The following LHFPL4 variants were observed in gnomAD, a reference collection of about 807,000 sequenced individuals.
LHFPL4 encodes LHFPL tetraspan subfamily member 4 protein.
LHFPL4 carries 6 observed loss-of-function variants against 20.0 expected under a neutral mutation model. That is an observed-to-expected ratio of 0.30 (90% CI 0.16 to 0.59). The LOEUF is 0.59. Among genes scored for constraint, LHFPL4 ranks in the 20% least tolerant of loss-of-function variants. LHFPL4 has a pLI of 0.88. For synonymous variants in LHFPL4, 129 were observed against 143.8 expected, an observed-to-expected ratio of 0.90 and a Z score of 0.74; for missense variants, 215 against 331.2, an observed-to-expected ratio of 0.65 and a Z score of 2.72.
intron 2 of LHFPL4, among the ~76,000 whole-genome samples, chr3:9,520,835 G>A (rs1284424789): frequency 6.6e-6 from 1 of 152,118 alleles, no homozygotes; most frequent in African/African-American, 2.4e-5. Context: ...TCCAGACCCT[G>A]TCTTGGTGAA....
chr3:9,513,299 ATTTAT>A lies in LHFPL4; in HGVS notation c.407-7101_407-7097del, dbSNP rs1219712161. ...ATATAAGAGATAATAACCTTGGGTC[ATTTAT>A]TTTATTTTATTTTGTTTTGTTTTTG... is the stretch of plus-strand genomic sequence containing the variant. On this transcript the variant is annotated intron_variant, in intron 2 of 3. Coordinates refer to ENST00000287585, the MANE Select transcript of LHFPL4 (RefSeq NM_198560.3). 9.9e-5 allele frequency among the ~76,000 whole-genome samples: 15 copies of A among 151,946 alleles called. No homozygotes were observed. In the East Asian group the frequency reaches 2.7e-3, roughly 28 times the overall value.
chr3:9,521,103 G>A (rs2046334555), intron 2 of LHFPL4, among the ~76,000 whole-genome samples: 1 of 152,134 alleles, frequency 6.6e-6, no homozygotes, highest in East Asian at 1.9e-4. Flanking sequence ...GCACGTGCAT[G>A]TTAAGAATCA....
intron 2 of LHFPL4, among the ~76,000 whole-genome samples, chr3:9,534,578 T>C (rs1462752051): frequency 6.6e-6 from 1 of 152,200 alleles, no homozygotes; most frequent in Non-Finnish European, 1.5e-5. Flanking sequence ...AAGAGGGGCA[T>C]TGGGTAGCTG....
intron 3 of LHFPL4, 60 bp downstream of exon 3, chr3:9,505,907 C>T: frequency 6.8e-7 from 1 of 1,467,726 alleles, no homozygotes; most frequent in Non-Finnish European, 9.5e-7. Context: ...TTGAAATTAT[C>T]CTGCCTCCCA....
chr3:9,502,802 T>G (rs1232610200), intron 3 of LHFPL4, among the ~76,000 whole-genome samples: 1 of 152,092 alleles, frequency 6.6e-6, no homozygotes, highest in Non-Finnish European at 1.5e-5. Flanking sequence ...GCAAGCCATT[T>G]AACCTCTCTG....
At chr3:9,525,179 A>T (rs2633796) in intron 2 of LHFPL4, among the ~76,000 whole-genome samples, 55,076 of 151,996 alleles carry the variant, frequency 0.36, 10,628 homozygotes, top group Non-Finnish European at 0.44. Flanking sequence ...TGCCAGAACC[A>T]TGAGGGGATT....
chr3:9,506,276 G>A lies in LHFPL4; in HGVS notation c.407-73C>T, dbSNP rs1023866154. ...AAAAGACCATTACTCGCTAGTGTCC[G>A]CAGTCTGGGCCCCACCCTATTGAGG... is the stretch of plus-strand genomic sequence containing the variant. On this transcript the variant is annotated intron_variant, in intron 2 of 3. Transcript: ENST00000287585. The surrounding 1 kb of genome is among the most constrained non-coding windows in gnomAD (Gnocchi z 4.5). 1.4e-5 allele frequency: 17 copies of A among 1,182,582 alleles called. No individual in the cohort carries two copies. The highest frequency in any genetic ancestry group is 9.4e-5 in the East Asian group (4 of 42,720). 73.3% of individuals were successfully genotyped at this position (1,182,582 alleles called of 1,614,324 possible). A position where few individuals can be genotyped will look rare whatever the true frequency, so the allele number is the denominator to read the frequency against.
At chr3:9,522,184 A>C (rs2648600) in intron 2 of LHFPL4, among the ~76,000 whole-genome samples, 145,253 of 151,490 alleles carry the variant, frequency 0.96, 69,687 homozygotes, top group Middle Eastern at 0.99. Context: ...TTAGTAGAGA[A>C]AGGTTTTCAC....
Position 9,506,234 on chromosome 3 carries a change from C to A in LHFPL4, c.407-31G>T. The A allele has an allele frequency of 1.3e-6, 2 of 1,558,542 alleles. No homozygotes were observed. Among genetic ancestry groups the A allele is most frequent in the Non-Finnish European group, 1.8e-6 (2 of 1,129,762 alleles). On this transcript the variant is annotated intron_variant, in intron 2 of 3. Coordinates refer to ENST00000287585, the MANE Select transcript of LHFPL4 (RefSeq NM_198560.3). The surrounding 1 kb of genome is among the most constrained non-coding windows in gnomAD (Gnocchi z 4.5). ...GGGCAGAGCACCGGGCCCACCACCA[C>A]GGTCAGGAAGGAAGAGAAAAGACCA...
rs375275917 is a variant in LHFPL4, at chr3:9,543,665, T to G, written c.406+8609A>C. On this transcript the variant is annotated intron_variant, in intron 2 of 3. Coordinates refer to ENST00000287585, the MANE Select transcript of LHFPL4 (RefSeq NM_198560.3). ...AGTACTCTGACTTTATAGAAACAAA[T>G]ATCATAAATGCTTGTTGACTCAGGC... Among the ~76,000 whole-genome samples the G allele has an allele frequency of 8.8e-4, 134 of 151,712 alleles. 1 individual carries two copies. The South Asian group carries it at 9.2e-3, about 10-fold the overall frequency.
At chr3:9,503,942 C>T (rs1252894594) in intron 3 of LHFPL4, among the ~76,000 whole-genome samples, 2 of 152,156 alleles carry the variant, frequency 1.3e-5, no homozygotes, top group Non-Finnish European at 2.9e-5. Flanking sequence ...AGGAGAATCG[C>T]TTAAGCCCAG....
At chr3:9,532,758 G>A (rs1210674701) in intron 2 of LHFPL4, among the ~76,000 whole-genome samples, 1 of 152,096 alleles carries the variant, frequency 6.6e-6, no homozygotes, top group Non-Finnish European at 1.5e-5. Flanking sequence ...CTGTTATAGG[G>A]GATCAGGCTG....
Position 9,540,542 on chromosome 3 carries a change from A to G in LHFPL4, c.406+11732T>C, listed in dbSNP as rs182169389. Among the ~76,000 whole-genome samples, 135 of 152,234 alleles carry G rather than the reference A, an allele frequency of 8.9e-4. 1 individual carries two copies. In the South Asian group the frequency reaches 9.1e-3, roughly 10 times the overall value. On this transcript the variant is annotated intron_variant, in intron 2 of 3. Transcript: ENST00000287585. ...AGCCAGAACAACCTTGAAAATGAAG[A>G]ACAAAGTTGGAGGACTCACACTTTC...
chr3:9,512,698 G>A (rs1025390479), intron 2 of LHFPL4, among the ~76,000 whole-genome samples: 4 of 152,132 alleles, frequency 2.6e-5, no homozygotes, highest in African/African-American at 9.7e-5. Context: ...GTTCTGTGGC[G>A]TTAAGGAAAC....
At chr3:9,553,589 CCCGAGTAGGGCCG>C (rs2046572378) in intron 1 of LHFPL4, 83 bp downstream of exon 1, 3 of 150,666 alleles carry the variant, frequency 2.0e-5, no homozygotes, top group Non-Finnish European at 4.4e-5. Flanking sequence ...AGCGGCCGGG[CCCGAGTAGGGCCG>C]GGGTTGGGGG....
chr3:9,544,866 C>T (rs887635006), intron 2 of LHFPL4, among the ~76,000 whole-genome samples: 1 of 152,160 alleles, frequency 6.6e-6, no homozygotes, highest in Non-Finnish European at 1.5e-5. Context: ...GGGAAGACTT[C>T]CCTGGCTCTC....
intron 2 of LHFPL4, among the ~76,000 whole-genome samples, chr3:9,540,856 A>G (rs1361060752): frequency 1.3e-5 from 2 of 151,914 alleles, no homozygotes; most frequent in African/African-American, 4.8e-5. Flanking sequence ...ACACCACTGC[A>G]CTCCAGCCTG....
chr3:9,522,051 A>C (rs180971592), intron 2 of LHFPL4, among the ~76,000 whole-genome samples: 1 of 152,250 alleles, frequency 6.6e-6, no homozygotes, highest in Non-Finnish European at 1.5e-5. Flanking sequence ...TACTTAAAAA[A>C]ATTTTTAAGT....
chr3:9,510,923 G>C (rs978655266), intron 2 of LHFPL4, among the ~76,000 whole-genome samples: 2 of 150,660 alleles, frequency 1.3e-5, no homozygotes, highest in African/African-American at 4.9e-5. Context: ...GGGTGACAGA[G>C]CAAGACTCCA....
Sources: allele counts gnomAD v4.1 joint callset (sites outside exome capture counted in the v4.1 genomes callset), GRCh38; gene constraint gnomAD v4.1.1; non-coding constraint Gnocchi (gnomAD v3.1); transcripts MANE v1.5; gene names NCBI Gene and HGNC (gene_info 2026-07-23, HGNC 2026-07-21).